MTAP: variants seen among roughly 807,000 people sequenced by gnomAD.
MTAP encodes the protein methylthioadenosine phosphorylase.
Under a neutral mutation model 33.6 loss-of-function variants are expected in MTAP, and 33 were observed. The ratio of observed to expected loss-of-function variants is 0.98; its 90% CI spans 0.74 to 1.31. MTAP has a LOEUF of 1.31. Ranked by LOEUF, MTAP falls within the 40% of genes most tolerant of loss-of-function variation. MTAP has a pLI of 0.00. For synonymous variants in MTAP, 148 were observed against 125.7 expected (o/e 1.18, Z -1.19); for missense variants, 367 against 360.0 (o/e 1.02, Z -0.16).
chr9:21,818,470 G>A (rs1011546795), intron 4 of MTAP, among the ~76,000 whole-genome samples: 2 of 151,838 alleles, frequency 1.3e-5, no homozygotes, highest in East Asian at 3.9e-4. Flanking sequence ...TGGGACTACA[G>A]GCACATGCCA....
intron 1 of MTAP, 100 bp downstream of exon 1, chr9:21,802,881 T>C (rs915069269): frequency 4.6e-6 from 7 of 1,512,054 alleles, no homozygotes; most frequent in Non-Finnish European, 5.3e-6. Flanking sequence ...GCCCGGCCCG[T>C]GCGTCCCTTG....
At chr9:21,889,571 A>T (rs571421377) in intron 1 of MTAP, among the ~76,000 whole-genome samples, 1 of 152,270 alleles carries the variant, frequency 6.6e-6, no homozygotes, top group Non-Finnish European at 1.5e-5. Flanking sequence ...CTCTTGTCCC[A>T]TGGGGTGTTG....
chr9:21,879,504 C>G (rs1817962174), intron 1 of MTAP, among the ~76,000 whole-genome samples: 2 of 151,800 alleles, frequency 1.3e-5, no homozygotes, highest in Non-Finnish European at 2.9e-5. Flanking sequence ...TTTTTTTATC[C>G]AGCTTGCCAC....
chr9:21,923,542 C>T (rs77418813), intron 1 of MTAP, among the ~76,000 whole-genome samples: 4 of 152,184 alleles, frequency 2.6e-5, no homozygotes, highest in Non-Finnish European at 5.9e-5. Context: ...GAAGGTTTTC[C>T]GTCAGTATTC....
chr9:21,881,284 C>A (rs1387251921), intron 1 of MTAP, among the ~76,000 whole-genome samples: 1 of 151,904 alleles, frequency 6.6e-6, no homozygotes, highest in Admixed American at 6.6e-5. Flanking sequence ...AAACACAAGA[C>A]CAACAACCAT....
downstream of MTAP, chr9:21,931,275 A>G: frequency 1.7e-6 from 1 of 593,024 alleles, no homozygotes. Flanking sequence ...ACTGACCTTC[A>G]TCCAGTTTCC....
intron 1 of MTAP, chr9:21,929,832 G>C (rs567122051): frequency 1.0e-4 from 24 of 238,760 alleles, no homozygotes; most frequent in Non-Finnish European, 1.4e-4. Flanking sequence ...ACCTCTATTT[G>C]TCTTATGGCC....
At chr9:21,894,172 C>T (rs998263471) in intron 1 of MTAP, among the ~76,000 whole-genome samples, 102 of 140,936 alleles carry the variant, frequency 7.2e-4, no homozygotes, top group Non-Finnish European at 4.6e-4. Flanking sequence ...TCAATAAATG[C>T]AGAAAAGACT....
chr9:21,904,041 C>A (rs556985379), intron 1 of MTAP, among the ~76,000 whole-genome samples: 1 of 152,166 alleles, frequency 6.6e-6, no homozygotes, highest in Admixed American at 6.5e-5. Context: ...GATGGGGGAG[C>A]CAGAAAGGAG....
intron 1 of MTAP, chr9:21,929,536 G>T: frequency 3.0e-6 from 1 of 328,188 alleles, no homozygotes; most frequent in Admixed American, 2.8e-5. Flanking sequence ...ATGAGAAAAA[G>T]CTCAGCAATT....
intron 1 of MTAP, among the ~76,000 whole-genome samples, chr9:21,911,963 C>G (rs1264565528): frequency 6.6e-6 from 1 of 152,136 alleles, no homozygotes; most frequent in African/African-American, 2.4e-5. Context: ...AGACCGATCC[C>G]ACAGAAATAC....
chr9:21,924,964 C>G (rs1003402807), intron 1 of MTAP, among the ~76,000 whole-genome samples: 14 of 152,208 alleles, frequency 9.2e-5, no homozygotes, highest in African/African-American at 3.4e-4. Flanking sequence ...GGGACAAACC[C>G]TGTCTAAGGG....
intron 1 of MTAP, among the ~76,000 whole-genome samples, chr9:21,912,907 G>C (rs199535462): frequency 7.2e-5 from 11 of 152,096 alleles, no homozygotes; most frequent in Non-Finnish European, 1.3e-4. Flanking sequence ...CCAAAATCTC[G>C]TTAAGCTGAT....
At chr9:21,910,820 A>G (rs1038913030) in intron 1 of MTAP, among the ~76,000 whole-genome samples, 2 of 152,088 alleles carry the variant, frequency 1.3e-5, no homozygotes, top group African/African-American at 4.8e-5. Flanking sequence ...AAATCACCAT[A>G]TCTATTAGCA....
chr9:21,896,932 AAG>A (rs1818304417), intron 1 of MTAP, among the ~76,000 whole-genome samples: 1 of 151,886 alleles, frequency 6.6e-6, no homozygotes, highest in South Asian at 2.1e-4. Context: ...ACAACAAAAA[AAG>A]AATTTTAAAC....
downstream of MTAP, chr9:21,934,632 C>T (rs1175409692): frequency 2.7e-5 from 4 of 150,736 alleles, no homozygotes; most frequent in Admixed American, 6.6e-5. The surrounding 1 kb of genome is among the most constrained non-coding windows in gnomAD (Gnocchi z 5.0). Flanking sequence ...TTAAGTACAG[C>T]GGTAAAGCAA....
intron 1 of MTAP, among the ~76,000 whole-genome samples, chr9:21,878,434 A>G (rs2118683659): frequency 6.6e-6 from 1 of 152,010 alleles, no homozygotes; most frequent in Admixed American, 6.6e-5. Context: ...TGGTTCCTCT[A>G]GTTGTAATTT....
At chr9:21,932,567 C>G (rs1226431546), downstream of MTAP, 1 of 152,084 alleles carries the variant, frequency 6.6e-6, no homozygotes, top group Non-Finnish European at 1.5e-5. Context: ...TCCTGTGGCC[C>G]CATCCAGAAG....
chr9:21,840,221 CAA>C (rs746964029), intron 5 of MTAP, among the ~76,000 whole-genome samples: 20 of 121,232 alleles, frequency 1.6e-4, no homozygotes, highest in South Asian at 2.7e-4. Flanking sequence ...GACTCCATGT[CAA>C]AAAAAAAAAA....
Sources: gnomAD v4.1 joint callset for allele counts (sites outside exome capture counted in the v4.1 genomes callset) on GRCh38, gnomAD v4.1.1 for gene constraint, Gnocchi (gnomAD v3.1) non-coding constraint, MANE v1.5 for transcripts, NCBI Gene and HGNC (gene_info 2026-07-23, HGNC 2026-07-21) for gene names.